Variants in ARHGAP24 observed in about 807,000 individuals in gnomAD.
The protein encoded by ARHGAP24 is rho GTPase-activating protein 24.
A neutral mutation model predicts 76.4 loss-of-function variants in ARHGAP24; 50 were observed. The ratio of observed to expected loss-of-function variants is 0.65; its 90% confidence interval spans 0.52 to 0.83. The LOEUF (loss-of-function observed/expected upper bound fraction) is 0.83. ARHGAP24 is among the 40% of genes least tolerant of loss of function. The pLI is 0.00. For synonymous variants in ARHGAP24, 345 were observed against 323.3 expected (o/e 1.07, Z -0.72); for missense variants, 930 against 914.2 (o/e 1.02, Z -0.22).
At chr4:85,655,822 G>GAGAGAGAGAGAA (rs1560571832) in intron 2 of ARHGAP24, among the ~76,000 whole-genome samples, 25 of 107,942 alleles carry the variant, frequency 2.3e-4, no homozygotes, top group African/African-American at 9.5e-4. Context: ...GAGAGAAAGA[G>GAGAGAGAGAGAA]AGAGAGAGAG....
chr4:85,616,072 T>C (rs59940085), intron 2 of ARHGAP24, among the ~76,000 whole-genome samples: 40,115 of 152,128 alleles, frequency 0.26, 7,462 homozygotes, highest in East Asian at 0.84. Context: ...CTGGAGAACT[T>C]AGAGTTTTAA....
At chr4:85,538,737 A>C (rs1301178284) in intron 1 of ARHGAP24, among the ~76,000 whole-genome samples, 2 of 152,220 alleles carry the variant, frequency 1.3e-5, no homozygotes, top group East Asian at 3.8e-4. Flanking sequence ...CATAACAAAG[A>C]CTTTTGAGAT....
At chr4:85,487,368 A>T (rs1723115539) in intron 1 of ARHGAP24, among the ~76,000 whole-genome samples, 2 of 114,674 alleles carry the variant, frequency 1.7e-5, no homozygotes, top group Admixed American at 1.2e-4. Context: ...TAAATATATA[A>T]ATATATATTT....
intron 2 of ARHGAP24, among the ~76,000 whole-genome samples, chr4:85,712,958 CCCCTGTGCAA>C (rs748783464): frequency 9.8e-5 from 15 of 152,300 alleles, no homozygotes; most frequent in Non-Finnish European, 1.8e-4. Context: ...TTCCCAAATG[CCCCTGTGCAA>C]CCCTGCCGTC....
chr4:85,679,989 A>G (rs1723141319), intron 2 of ARHGAP24, among the ~76,000 whole-genome samples: 1 of 152,200 alleles, frequency 6.6e-6, no homozygotes, highest in South Asian at 2.1e-4. Flanking sequence ...ATTGCCATTA[A>G]TTTGAAATTT....
At chr4:85,559,646 A>C (rs1301636468) in intron 1 of ARHGAP24, among the ~76,000 whole-genome samples, 2 of 152,226 alleles carry the variant, frequency 1.3e-5, no homozygotes, top group African/African-American at 4.8e-5. Context: ...TACACACAAA[A>C]GCTTAAAAAT....
chr4:85,599,637 C>T (rs1341839512), intron 2 of ARHGAP24, among the ~76,000 whole-genome samples: 1 of 151,988 alleles, frequency 6.6e-6, no homozygotes, highest in Non-Finnish European at 1.5e-5. Flanking sequence ...GAAAACATTT[C>T]CCCTGAGAAA....
intron 1 of ARHGAP24, among the ~76,000 whole-genome samples, chr4:85,487,736 T>A (rs1219915081): frequency 9.6e-6 from 1 of 104,146 alleles, no homozygotes; most frequent in Non-Finnish European, 1.7e-5. Context: ...ATATTATATA[T>A]TATATAATAT....
At chr4:85,899,018 A>G (rs1734348993) in intron 3 of ARHGAP24, among the ~76,000 whole-genome samples, 1 of 152,208 alleles carries the variant, frequency 6.6e-6, no homozygotes, top group Non-Finnish European at 1.5e-5. Flanking sequence ...TGCTGGGATT[A>G]CAGGCATGAG....
At chr4:85,541,142 C>CTTTTTTTTTTTTTTTTTT (rs70948733) in intron 1 of ARHGAP24, among the ~76,000 whole-genome samples, 4 of 49,772 alleles carry the variant, frequency 8.0e-5, no homozygotes, top group East Asian at 7.2e-4. Context: ...CATCCATGAC[C>CTTTTTTTTTTTTTTTTTT]TTTTTTTTTT....
At chr4:85,776,891 G>T (rs1378044774) in intron 3 of ARHGAP24, among the ~76,000 whole-genome samples, 2 of 152,074 alleles carry the variant, frequency 1.3e-5, no homozygotes, top group African/African-American at 4.8e-5. Context: ...TGTCAATATC[G>T]AAAGTAAAGC....
At chr4:85,949,621 G>T (rs1028781237) in intron 5 of ARHGAP24, among the ~76,000 whole-genome samples, 1 of 152,206 alleles carries the variant, frequency 6.6e-6, no homozygotes, top group Non-Finnish European at 1.5e-5. Flanking sequence ...CTGAAAGACA[G>T]TAAGGGTGGA....
chr4:85,678,517 C>T (rs1485666827), intron 2 of ARHGAP24, among the ~76,000 whole-genome samples: 1 of 152,094 alleles, frequency 6.6e-6, no homozygotes, highest in African/African-American at 2.4e-5. Context: ...TAATGAAAGA[C>T]ACAAGCAAAA....
chr4:85,906,526 A>T (rs1734775230), intron 3 of ARHGAP24, among the ~76,000 whole-genome samples: 1 of 152,190 alleles, frequency 6.6e-6, no homozygotes, highest in Non-Finnish European at 1.5e-5. Flanking sequence ...AATATTATTT[A>T]TCTTGATTAC....
intron 2 of ARHGAP24, among the ~76,000 whole-genome samples, chr4:85,717,376 A>G (rs1340107156): frequency 2.0e-5 from 3 of 152,088 alleles, no homozygotes; most frequent in African/African-American, 4.8e-5. Context: ...TCTTATATCA[A>G]ATTAATTGCT....
intron 3 of ARHGAP24, among the ~76,000 whole-genome samples, chr4:85,743,034 A>G (rs780096492): frequency 9.9e-5 from 15 of 152,180 alleles, no homozygotes; most frequent in Non-Finnish European, 2.1e-4. Context: ...TTAGTGCATT[A>G]TCAGGGACTC....
chr4:85,869,042 C>T (rs1299436305), intron 3 of ARHGAP24, among the ~76,000 whole-genome samples: 1 of 151,932 alleles, frequency 6.6e-6, no homozygotes, highest in Non-Finnish European at 1.5e-5. Context: ...TGTTTCAATA[C>T]CAACTACTTC....
chr4:85,905,212 G>A (rs994204081), intron 3 of ARHGAP24, among the ~76,000 whole-genome samples: 1 of 152,102 alleles, frequency 6.6e-6, no homozygotes, highest in Non-Finnish European at 1.5e-5. Context: ...GGGCAAAGTA[G>A]TGTTTGTTTT....
chr4:85,864,453 TA>T (rs1339612130), intron 3 of ARHGAP24, among the ~76,000 whole-genome samples: 1 of 152,088 alleles, frequency 6.6e-6, no homozygotes. Flanking sequence ...AGGATGGAAT[TA>T]ACCATGTAAA....
Sources: gnomAD v4.1 joint callset for allele counts (sites outside exome capture counted in the v4.1 genomes callset) on GRCh38, gnomAD v4.1.1 for gene constraint, MANE v1.5 for transcripts, NCBI Gene and HGNC (gene_info 2026-07-23, HGNC 2026-07-21) for gene names.